The following SYN3 variants were observed in gnomAD, a reference collection of about 807,000 sequenced individuals.
SYN3 encodes the protein synapsin-3.
A neutral mutation model predicts 65.8 loss-of-function variants in SYN3; 35 were observed. The ratio of observed to expected loss-of-function variants is 0.53; its 90% confidence interval spans 0.41 to 0.70. The LOEUF is 0.70. Among genes scored for constraint, SYN3 ranks in the 30% least tolerant of loss-of-function variants. The pLI, the probability that SYN3 is intolerant of heterozygous loss-of-function variation, is 0.00. For synonymous variants in SYN3, 270 were observed against 292.9 expected, an observed-to-expected ratio of 0.92 and a Z score of 0.80; for missense variants, 680 against 749.0, an observed-to-expected ratio of 0.91 and a Z score of 1.08.
In SYN3 at chr22:32,868,995, C is replaced by T. The variant is rs77543787; in HGVS notation, c.592G>A (p.Val198Ile). The change falls in exon 5 of 14, where the codon GTC becomes ATC. Residue 198 changes from valine to isoleucine, a missense_variant. Val to Ile is a conservative substitution (Grantham distance 29). Coordinates refer to ENST00000358763, the MANE Select transcript of SYN3 (RefSeq NM_003490.4). ...GLPAVNSLYS[V>I]YNFCSKPWVF... ...CAGGGCTTGCTGCAGAAGTTGTAGA[C>T]GGAGTAGAGAGAGTTGACAGCAGGC... 294 of 1,613,882 alleles carry T rather than the reference C, an allele frequency of 1.8e-4. 1 individual carries two copies. Among genetic ancestry groups the T allele is most frequent in the South Asian group, 1.2e-3 (109 of 91,052 alleles).
chr22:32,807,383 ATATT>A (rs549913599), intron 6 of SYN3, among the ~76,000 whole-genome samples: 1 of 107,734 alleles, frequency 9.3e-6, no homozygotes, highest in Admixed American at 1.2e-4. Flanking sequence ...TATATAATAT[ATATT>A]ATATATAATA....
intron 7 of SYN3, among the ~76,000 whole-genome samples, chr22:32,578,499 C>T (rs2058888471): frequency 6.6e-6 from 1 of 152,202 alleles, no homozygotes. Flanking sequence ...ATCCACCTGC[C>T]TCTGCCTCCC....
chr22:32,529,855 C>T (rs1284713192), intron 10 of SYN3, among the ~76,000 whole-genome samples: 2 of 152,194 alleles, frequency 1.3e-5, no homozygotes, highest in Non-Finnish European at 2.9e-5. Context: ...CTTGTCTCCC[C>T]TGTTCCCACG....
In SYN3 at chr22:32,784,327, C is replaced by A. The variant is rs76244430; in HGVS notation, c.711+80588G>T. Among the ~76,000 whole-genome samples the A allele has an allele frequency of 2.3e-3, 357 of 152,308 alleles. 2 individuals carry two copies. The highest frequency in any genetic ancestry group is 8.1e-3 in the African/African-American group (336 of 41,576). On this transcript the variant is annotated intron_variant, in intron 6 of 13. Coordinates refer to ENST00000358763, the MANE Select transcript of SYN3 (RefSeq NM_003490.4). ...TCATGTTACATGAGGCTGGAATGCC[C>A]ATCTTGGGAGGAGGCACTTTTTCCT...
chr22:32,993,536 G>A (rs1013270600), intron 2 of SYN3, among the ~76,000 whole-genome samples: 2 of 152,140 alleles, frequency 1.3e-5, no homozygotes, highest in Admixed American at 1.3e-4. Flanking sequence ...AGTAGAGATG[G>A]GGTTTCACCA....
intron 3 of SYN3, among the ~76,000 whole-genome samples, chr22:32,951,127 A>G (rs760079519): frequency 6.6e-6 from 1 of 152,238 alleles, no homozygotes; most frequent in Non-Finnish European, 1.5e-5. Flanking sequence ...AGTGATAATA[A>G]AAAGGAAACA....
At chr22:33,024,643 A>G (rs1283601193) in intron 1 of SYN3, among the ~76,000 whole-genome samples, 1 of 152,234 alleles carries the variant, frequency 6.6e-6, no homozygotes, top group Non-Finnish European at 1.5e-5. Context: ...AAAAGACACT[A>G]GAGAAAAGTC....
At chr22:33,030,622 C>T (rs1421973359) in intron 1 of SYN3, among the ~76,000 whole-genome samples, 2 of 148,818 alleles carry the variant, frequency 1.3e-5, no homozygotes, top group Admixed American at 1.3e-4. Flanking sequence ...AAAATAAACA[C>T]AGAGAGACAG....
intron 6 of SYN3, among the ~76,000 whole-genome samples, chr22:32,790,628 T>C (rs2046304933): frequency 6.6e-6 from 1 of 152,134 alleles, no homozygotes; most frequent in Non-Finnish European, 1.5e-5. Flanking sequence ...GGTTTCGCCA[T>C]GTTGGCCAGG....
chr22:32,977,559 C>T lies in SYN3; in HGVS notation c.369+3086G>A, dbSNP rs183469821. Among the ~76,000 whole-genome samples the T allele has an allele frequency of 2.7e-3, 406 of 152,100 alleles. 9 individuals carry two copies. The highest frequency in any genetic ancestry group is 0.026 in the Admixed American group (402 of 15,282). On this transcript the variant is annotated intron_variant, in intron 3 of 13. Coordinates refer to ENST00000358763, the MANE Select transcript of SYN3 (RefSeq NM_003490.4). ...AAGAGATCGAGACCATCCTGGACAA[C>T]ATGGTGAAACCCCATCTCTACTAAA...
chr22:32,569,661 A>C (rs1435871163), intron 7 of SYN3, among the ~76,000 whole-genome samples: 1 of 151,930 alleles, frequency 6.6e-6, no homozygotes, highest in Non-Finnish European at 1.5e-5. Context: ...GAAATACTCC[A>C]CAAATGGAAG....
chr22:32,622,457 G>C (rs938591705), intron 6 of SYN3, among the ~76,000 whole-genome samples: 2 of 152,064 alleles, frequency 1.3e-5, no homozygotes, highest in Non-Finnish European at 2.9e-5. Context: ...ATTGATTTGG[G>C]ACCTGGGTCT....
intron 2 of SYN3, among the ~76,000 whole-genome samples, chr22:33,002,999 T>A (rs550394244): frequency 6.6e-6 from 1 of 152,176 alleles, no homozygotes; most frequent in Non-Finnish European, 1.5e-5. Context: ...GCTGATGGTT[T>A]TATAATGTGC....
intron 6 of SYN3, among the ~76,000 whole-genome samples, chr22:32,766,016 A>T (rs559702340): frequency 6.6e-6 from 1 of 152,056 alleles, no homozygotes; most frequent in Non-Finnish European, 1.5e-5. Flanking sequence ...CTGGTTTTCA[A>T]GGTTTTTGTT....
chr22:32,818,726 T>C (rs1343698610), intron 6 of SYN3, among the ~76,000 whole-genome samples: 1 of 152,126 alleles, frequency 6.6e-6, no homozygotes, highest in Non-Finnish European at 1.5e-5. Flanking sequence ...CTGATGTCAC[T>C]GTGGCCGGCC....
chr22:32,872,681 C>T (rs1052774369), intron 4 of SYN3, among the ~76,000 whole-genome samples: 7 of 152,212 alleles, frequency 4.6e-5, no homozygotes, highest in Admixed American at 3.3e-4. Context: ...AGAGAAATTA[C>T]TGACTTAAGC....
intron 4 of SYN3, among the ~76,000 whole-genome samples, chr22:32,899,627 G>A (rs200754632): frequency 6.6e-6 from 1 of 152,176 alleles, no homozygotes; most frequent in African/African-American, 2.4e-5. Context: ...GGGTTATTCT[G>A]CTTAAAATTA....
chr22:32,590,387 A>C (rs889715717), intron 7 of SYN3, among the ~76,000 whole-genome samples: 1 of 152,228 alleles, frequency 6.6e-6, no homozygotes, highest in Non-Finnish European at 1.5e-5. Context: ...GTAGTTCATT[A>C]ATTTTTATTG....
At chr22:32,522,776 T>C (rs1309489284) in intron 12 of SYN3, among the ~76,000 whole-genome samples, 2 of 152,158 alleles carry the variant, frequency 1.3e-5, no homozygotes, top group Non-Finnish European at 1.5e-5. Flanking sequence ...AAGCACCCCA[T>C]CCTTAAACAT....
Sources: allele counts gnomAD v4.1 joint callset (sites outside exome capture counted in the v4.1 genomes callset), GRCh38; gene constraint gnomAD v4.1.1; transcripts MANE v1.5; gene names NCBI Gene and HGNC (gene_info 2026-07-23, HGNC 2026-07-21).